The following PLA2G2F variants were observed in gnomAD, a reference collection of about 807,000 sequenced individuals.
The protein encoded by PLA2G2F is group IIF secretory phospholipase A2.
In PLA2G2F, 17 loss-of-function variants were observed where a neutral mutation model predicts 15.9. The observed-to-expected ratio is 1.07, with a 90% CI of 0.73 to 1.60. The LOEUF is 1.60. PLA2G2F is among the 40% of genes most tolerant of loss of function. PLA2G2F has a pLI of 0.00. For synonymous variants in PLA2G2F, 119 were observed against 106.5 expected (o/e 1.12, Z -0.72); for missense variants, 299 against 278.2 (o/e 1.07, Z -0.53).
intron 1 of PLA2G2F, 141 bp from the exon 2 acceptor site, chr1:20,140,025 G>A: frequency 1.1e-6 from 1 of 872,320 alleles, no homozygotes. Context: ...AGGTACTGAT[G>A]ACAGCGCTAG....
chr1:20,139,712 G>A (rs578122435), intron 1 of PLA2G2F, among the ~76,000 whole-genome samples, 169 bp downstream of exon 1: 1 of 152,292 alleles, frequency 6.6e-6, no homozygotes, highest in African/African-American at 2.4e-5. Context: ...GGGAGAGTGA[G>A]GCCACACAAC....
intron 2 of PLA2G2F, chr1:20,142,893 C>T (rs1451603524): frequency 3.9e-5 from 6 of 152,494 alleles, no homozygotes; most frequent in Admixed American, 3.9e-4. Context: ...TTCCTAAGAG[C>T]ATGTGGCCTT....
At position 20,143,550 on chromosome 1, in the gene PLA2G2F, G is replaced by T. The variant is rs2017522139; in HGVS notation, c.274G>T (p.Gly92Trp). 6.2e-6 allele frequency: 10 copies of T among 1,614,050 alleles called. No homozygotes were observed. Among genetic ancestry groups the T allele is most frequent in the Non-Finnish European group, 8.5e-6 (10 of 1,179,940 alleles). ...LSFVGYGCYC[G>W]LGGRGQPKDE... is the part of the protein sequence containing the mutation. ...CTTCGTGGGCTACGGTTGCTACTGT[G>T]GGCTGGGGGGCCGTGGCCAGCCCAA... The change falls in exon 3 of 5, where the codon GGG (glycine) becomes TGG (tryptophan). Residue 92 changes from glycine (G) to tryptophan (W), a missense_variant. Transcript: ENST00000375102.
chr1:20,139,787 G>C (rs1300885037), intron 1 of PLA2G2F, among the ~76,000 whole-genome samples: 1 of 152,182 alleles, frequency 6.6e-6, no homozygotes, highest in African/African-American at 2.4e-5. Flanking sequence ...TGGAATCCAG[G>C]GACCTAGGAC....
chr1:20,146,413 C>T (rs2017608813), intron 4 of PLA2G2F, among the ~76,000 whole-genome samples: 1 of 152,196 alleles, frequency 6.6e-6, no homozygotes, highest in African/African-American at 2.4e-5. Flanking sequence ...GGTATTAGCA[C>T]CTGGCCTGGC....
At chr1:20,143,226 A>C (rs2017511729) in intron 2 of PLA2G2F, 2 of 532,686 alleles carry the variant, frequency 3.8e-6, no homozygotes, top group Non-Finnish European at 6.6e-6. Flanking sequence ...TCAGGGCCGC[A>C]GGGATGTGGG....
At chr1:20,147,810 G>T (rs2017642497) in intron 4 of PLA2G2F, among the ~76,000 whole-genome samples, 1 of 152,222 alleles carries the variant, frequency 6.6e-6, no homozygotes, top group Admixed American at 6.5e-5. Context: ...GGTCTGGGAT[G>T]GCAGGAAGTA....
intron 1 of PLA2G2F, 139 bp from the exon 2 acceptor site, chr1:20,140,027 C>A: frequency 2.3e-6 from 2 of 886,116 alleles, no homozygotes; most frequent in East Asian, 2.6e-5. Context: ...GTACTGATGA[C>A]AGCGCTAGGA....
intron 4 of PLA2G2F, among the ~76,000 whole-genome samples, chr1:20,145,040 A>G (rs2017559691): frequency 6.6e-6 from 1 of 152,148 alleles, no homozygotes; most frequent in South Asian, 2.1e-4. Context: ...ATCGCACGCC[A>G]CTGCATTCCA....
Position 20,140,212 on chromosome 1 carries a change from G to A in PLA2G2F, c.163G>A (p.Gly55Ser), listed in dbSNP as rs1358334265. The change falls in exon 2 of 5, where the codon GGC becomes AGC. Residue 55 changes from glycine to serine, a missense_variant. Physicochemically the swap from Gly to Ser is moderately conservative, Grantham distance 56. Transcript: ENST00000375102. ...KKFFTVAILA[G>S]SVLSTAHGSL... ...GTTCTTCACCGTGGCCATCCTTGCTGGCAGCGGTGAGTAAAGACTCCAGAG... is the reference window on the plus strand; with the variant it reads ...GTTCTTCACCGTGGCCATCCTTGCTAGCAGCGGTGAGTAAAGACTCCAGAG... 6.2e-7 allele frequency: 1 copy of A among 1,613,742 alleles called. No individual in the cohort carries two copies. The highest frequency in any genetic ancestry group is 2.2e-5 in the East Asian group (1 of 44,870).
intron 2 of PLA2G2F, chr1:20,142,328 T>C (rs1266451727): frequency 6.6e-6 from 1 of 152,412 alleles, no homozygotes; most frequent in African/African-American, 2.4e-5. Flanking sequence ...CTCCAGCCTG[T>C]GGGACCTGGG....
Position 20,148,383 on chromosome 1 carries a change from GC to G in PLA2G2F, c.624del (p.Ala209ProfsTer9), listed in dbSNP as rs772019651. The part of the protein sequence containing the change: ...EVTCSHQSPA[P>X]PAPP ...TCACCTGCAGTCACCAATCCCCAGC[GC>G]CCCCCGCCCCTCCCTAGAGCCTCTG... is the stretch of plus-strand genomic sequence containing the variant. On this transcript the variant is annotated frameshift_variant, in exon 5 of 5. Coordinates refer to ENST00000375102, the MANE Select transcript of PLA2G2F (RefSeq NM_022819.4). LOFTEE classifies it high-confidence loss of function. The G allele has an allele frequency of 4.3e-6, 7 of 1,611,442 alleles. No individual in the cohort carries two copies. The highest frequency in any genetic ancestry group is 5.1e-6 in the Non-Finnish European group (6 of 1,178,202).
chr1:20,144,212 C>T, intron 3 of PLA2G2F: 1 of 266,788 alleles, frequency 3.7e-6, no homozygotes, highest in Non-Finnish European at 7.3e-6. Context: ...GTGGCCTCTG[C>T]CTACAGTCGA....
At chr1:20,140,129 G>C in intron 1 of PLA2G2F, 37 bp from the exon 2 acceptor site, 1 of 1,608,548 alleles carries the variant, frequency 6.2e-7, no homozygotes, top group Non-Finnish European at 8.5e-7. Context: ...AAGGGTGGAG[G>C]GGATGGACTC....
rs2017495270 is a variant in PLA2G2F at position 20,142,442 on chromosome 1, T to C, written c.170-1004T>C. ...GGCAGCTTCCCCCAGGTAAGGACTG[T>C]AGGTGCCAGGCTGGGCGTGTGGACC... On this transcript the variant is annotated intron_variant, in intron 2 of 4. Transcript: ENST00000375102. 3 of 152,396 alleles carry C rather than the reference T, an allele frequency of 2.0e-5. No individual in the cohort carries two copies. The South Asian group carries it at 6.2e-4, about 32-fold the overall frequency. 9.4% of individuals were successfully genotyped at this position (152,396 alleles called of 1,614,324 possible).
chr1:20,146,539 T>C (rs1330231304), intron 4 of PLA2G2F, among the ~76,000 whole-genome samples: 2 of 152,210 alleles, frequency 1.3e-5, no homozygotes, highest in African/African-American at 4.8e-5. Flanking sequence ...CCCTACTCTG[T>C]GCTCCTCTCT....
intron 4 of PLA2G2F, among the ~76,000 whole-genome samples, chr1:20,145,141 T>G (rs2017561848): frequency 6.6e-6 from 1 of 152,146 alleles, no homozygotes; most frequent in African/African-American, 2.4e-5. Flanking sequence ...ATTTCTTAGC[T>G]ATACAATGAA....
At chr1:20,147,463 T>G (rs1379606448) in intron 4 of PLA2G2F, among the ~76,000 whole-genome samples, 4 of 152,084 alleles carry the variant, frequency 2.6e-5, no homozygotes, top group Non-Finnish European at 4.4e-5. Context: ...TTTTTTTTTT[T>G]TTAAGATGAA....
At position 20,140,292 on chromosome 1, in the gene PLA2G2F, G is replaced by T. The variant is rs775461203; in HGVS notation, c.169+74G>T. On this transcript the variant is annotated intron_variant, in intron 2 of 4. Transcript: ENST00000375102. ...GTCTCCCGTGACCTTGGGCGCCTGA[G>T]TTATGGTTCCACTGACCAGCCTAGG... 14 of 1,536,018 alleles carry T rather than the reference G, an allele frequency of 9.1e-6. No homozygotes were observed. In the African/African-American group the frequency reaches 1.5e-4, roughly 16 times the overall value.
Sources: gnomAD v4.1 joint callset for allele counts (sites outside exome capture counted in the v4.1 genomes callset) on GRCh38, gnomAD v4.1.1 for gene constraint, MANE v1.5 for transcripts, NCBI Gene and HGNC (gene_info 2026-07-23, HGNC 2026-07-21) for gene names.